The following DUSP11 variants were observed in gnomAD, a reference collection of about 807,000 sequenced individuals.
DUSP11 encodes the protein RNA/RNP complex-1-interacting phosphatase.
A neutral mutation model predicts 41.4 loss-of-function variants in DUSP11; 27 were observed. The observed-to-expected ratio is 0.65, with a 90% CI of 0.48 to 0.90. The LOEUF (loss-of-function observed/expected upper bound fraction) is 0.90, where lower values mean the gene tolerates loss of function less well. Among genes scored for constraint, DUSP11 ranks in the 40% least tolerant of loss-of-function variants. DUSP11 has a pLI of 0.00. For missense variants in DUSP11, 465 were observed against 461.1 expected (o/e 1.01, Z -0.08); for synonymous variants, 188 against 159.3 (o/e 1.18, Z -1.35).
chr2:73,767,186 G>A (rs376076420), exon 6 of DUSP11: 10 of 1,611,964 alleles, frequency 6.2e-6, no homozygotes, highest in Non-Finnish European at 7.6e-6. Flanking sequence ...CTGGCCTCAC[G>A]CCTTCTACAT....
chr2:73,765,557 C>A (rs546533101), intron 8 of DUSP11, among the ~76,000 whole-genome samples: 2 of 151,764 alleles, frequency 1.3e-5, no homozygotes, highest in South Asian at 4.2e-4. Context: ...TCCACCCACC[C>A]ATCCACCCAT....
chr2:73,770,945 A>G (rs1672561893), intron 4 of DUSP11, among the ~76,000 whole-genome samples: 1 of 152,146 alleles, frequency 6.6e-6, no homozygotes, highest in Admixed American at 6.6e-5. Context: ...GGGACTTTGC[A>G]CCTGCTGTTC....
chr2:73,774,353 T>A (rs902920459), intron 3 of DUSP11, among the ~76,000 whole-genome samples: 1 of 152,164 alleles, frequency 6.6e-6, no homozygotes, highest in African/African-American at 2.4e-5. Flanking sequence ...AGAACCGATA[T>A]TCTTGGGGTG....
chr2:73,779,839 T>C (rs373257684), intron 1 of DUSP11, 35 bp downstream of exon 1: 18 of 1,609,512 alleles, frequency 1.1e-5, no homozygotes, highest in African/African-American at 1.3e-5. Context: ...AGCCACGAGC[T>C]GGAAAGGCCA....
chr2:73,769,397 A>T, intron 4 of DUSP11, 72 bp from the exon 5 acceptor site: 2 of 1,090,696 alleles, frequency 1.8e-6, no homozygotes, highest in East Asian at 4.8e-5. Flanking sequence ...ACTGCCCTGA[A>T]AATGAATAAC....
At chr2:73,774,842 T>A in intron 3 of DUSP11, 71 bp downstream of exon 3, 15 of 1,310,306 alleles carry the variant, frequency 1.1e-5, no homozygotes, top group Non-Finnish European at 1.4e-5. Context: ...CACAAGATGA[T>A]TACTGAATTA....
At chr2:73,775,851 CAAAAAAAAAATTTAA>C (rs1672672095) in intron 2 of DUSP11, among the ~76,000 whole-genome samples, 1 of 43,942 alleles carries the variant, frequency 2.3e-5, no homozygotes, top group Non-Finnish European at 4.0e-5. Flanking sequence ...GACTCCATCT[CAAAAAAAAAATTTAA>C]AAAAAAAAAA....
At chr2:73,765,016 G>A (rs1052666288) in intron 8 of DUSP11, among the ~76,000 whole-genome samples, 4 of 152,180 alleles carry the variant, frequency 2.6e-5, no homozygotes, top group Non-Finnish European at 5.9e-5. Flanking sequence ...AAGAATAATA[G>A]CTTGCTATTT....
intron 3 of DUSP11, among the ~76,000 whole-genome samples, chr2:73,774,608 G>A (rs1249860105): frequency 1.3e-5 from 2 of 152,062 alleles, no homozygotes; most frequent in Non-Finnish European, 2.9e-5. Context: ...TCTATTCTAG[G>A]TACTTCATAC....
chr2:73,764,134 A>C (rs1351502069), intron 8 of DUSP11, among the ~76,000 whole-genome samples: 2 of 152,208 alleles, frequency 1.3e-5, no homozygotes, highest in African/African-American at 4.8e-5. Context: ...TGTACTTTGA[A>C]GTATTTCCTT....
rs531640571 is a variant in DUSP11, at chr2:73,773,900, G to T, written c.474C>A (p.Tyr158Ter). Residue 158 changes from tyrosine (Y) to a stop codon, truncating the protein, a stop_gained, in exon 4 of 9, where the codon TAC (tyrosine) becomes TAA (stop). Coordinates refer to ENST00000272444, the Ensembl canonical transcript of DUSP11. LOFTEE classifies it high-confidence loss of function. Reference sequence around the variant, plus strand: ...GATGTCCAACTGTAAAAATTTTTAAGTAAGGAACAGTTTCTGGCAAATCCT... The same window carrying T: ...GATGTCCAACTGTAAAAATTTTTAATTAAGGAACAGTTTCTGGCAAATCCT... The T allele has an allele frequency of 1.2e-6, 2 of 1,602,830 alleles. No individual in the cohort carries two copies. The highest frequency in any genetic ancestry group is 1.7e-5 in the Admixed American group (1 of 59,406).
At chr2:73,770,811 C>G (rs1186841430) in intron 4 of DUSP11, among the ~76,000 whole-genome samples, 1 of 152,116 alleles carries the variant, frequency 6.6e-6, no homozygotes, top group Admixed American at 6.5e-5. Flanking sequence ...TATGATCCAC[C>G]TCCCTTCTGC....
At chr2:73,767,407 C>A in intron 5 of DUSP11, 200 bp from the exon 6 acceptor site, 1 of 466,392 alleles carries the variant, frequency 2.1e-6, no homozygotes. Flanking sequence ...GATGACCCAA[C>A]TCCAGAAAAT....
chr2:73,771,724 G>C (rs1016607006), intron 4 of DUSP11, among the ~76,000 whole-genome samples: 1 of 147,236 alleles, frequency 6.8e-6, no homozygotes, highest in Non-Finnish European at 1.5e-5. Flanking sequence ...GGATGGTCTC[G>C]ATCTCCTGAC....
exon 1 of DUSP11, chr2:73,779,929 C>T (rs1331957799): frequency 1.2e-6 from 2 of 1,614,240 alleles, no homozygotes; most frequent in Admixed American, 1.7e-5. Context: ...CCTGAAAAGT[C>T]GCGTCTCCGG....
intron 2 of DUSP11, among the ~76,000 whole-genome samples, chr2:73,775,263 A>C (rs989821125): frequency 6.6e-6 from 1 of 151,994 alleles, no homozygotes; most frequent in Non-Finnish European, 1.5e-5. Context: ...TATTTGTTTC[A>C]TGTTGGTCTC....
At chr2:73,763,664 G>A (rs543061204) in intron 8 of DUSP11, among the ~76,000 whole-genome samples, 14 of 151,948 alleles carry the variant, frequency 9.2e-5, no homozygotes, top group African/African-American at 2.7e-4. Context: ...TGGAGGTTGC[G>A]GTGAGCTGAG....
At chr2:73,768,616 A>G in intron 5 of DUSP11, 1 of 985,426 alleles carries the variant, frequency 1.0e-6, no homozygotes, top group Non-Finnish European at 1.2e-6. Flanking sequence ...AAAACTTCTG[A>G]CTTTTGTGTT....
chr2:73,764,287 T>A (rs960480929), intron 8 of DUSP11, among the ~76,000 whole-genome samples: 1 of 152,190 alleles, frequency 6.6e-6, no homozygotes, highest in Non-Finnish European at 1.5e-5. Context: ...TCAATTTTTT[T>A]AAAGTTTCTT....
Sources: allele counts gnomAD v4.1 joint callset (sites outside exome capture counted in the v4.1 genomes callset), GRCh38; gene constraint gnomAD v4.1.1; transcripts MANE v1.5; gene names NCBI Gene and HGNC (gene_info 2026-07-23, HGNC 2026-07-21).